PPARG: variants seen among roughly 807,000 people sequenced by gnomAD.
The protein encoded by PPARG is peroxisome proliferator-activated receptor gamma.
Under a neutral mutation model 39.2 loss-of-function variants are expected in PPARG, and 17 were observed. The observed-to-expected ratio is 0.43, with a 90% CI of 0.30 to 0.65. PPARG has a LOEUF of 0.65. Ranked by LOEUF, PPARG falls within the 30% of genes least tolerant of loss-of-function variation. The pLI, the probability that PPARG is intolerant of heterozygous loss-of-function variation, is 0.13. For missense variants in PPARG, 406 were observed against 585.9 expected, an observed-to-expected ratio of 0.69 and a Z score of 3.17; for synonymous variants, 223 against 215.7, an observed-to-expected ratio of 1.03 and a Z score of -0.30.
At chr3:12,429,335 A>T (rs1386778024) in intron 7 of PPARG, among the ~76,000 whole-genome samples, 1 of 152,102 alleles carries the variant, frequency 6.6e-6, no homozygotes, top group Non-Finnish European at 1.5e-5. Flanking sequence ...GATCAGTTGC[A>T]TGTTAGTCCT....
intron 2 of PPARG, among the ~76,000 whole-genome samples, chr3:12,320,423 G>T (rs1176744617): frequency 6.6e-6 from 1 of 152,056 alleles, no homozygotes; most frequent in African/African-American, 2.4e-5. Context: ...AACATACTTG[G>T]GTGCTCTGCC....
chr3:12,346,064 G>A (rs1450724296), intron 2 of PPARG, among the ~76,000 whole-genome samples: 1 of 152,234 alleles, frequency 6.6e-6, no homozygotes. Context: ...TAGGTGGGAC[G>A]TCTTTGGTTC....
At chr3:12,376,307 A>T (rs1263158505) in intron 2 of PPARG, among the ~76,000 whole-genome samples, 2 of 152,158 alleles carry the variant, frequency 1.3e-5, no homozygotes, top group Non-Finnish European at 2.9e-5. Flanking sequence ...AACTCATGCA[A>T]AAGTTTGCCT....
intron 6 of PPARG, among the ~76,000 whole-genome samples, chr3:12,415,552 AAG>A (rs1187636560): frequency 3.9e-5 from 6 of 152,136 alleles, no homozygotes; most frequent in Non-Finnish European, 7.3e-5. Context: ...AGGGAAGTAA[AAG>A]AGAGAGAATG....
intron 1 of PPARG, among the ~76,000 whole-genome samples, chr3:12,296,669 C>T (rs187389977): frequency 6.6e-5 from 10 of 152,298 alleles, no homozygotes; most frequent in Middle Eastern, 3.4e-3. Context: ...AAGCTTTTGT[C>T]AAGAGGCTAG....
rs75053565 is a variant in PPARG at position 12,391,428 on chromosome 3, G to T, written c.391-1186G>T. 3.7e-3 allele frequency among the ~76,000 whole-genome samples: 566 copies of T among 152,270 alleles called. 4 individuals carry two copies. Among genetic ancestry groups the T allele is most frequent in the African/African-American group, 0.013 (553 of 41,562 alleles). ...AAATAGGTTGGCTTAGCCCCATTGA[G>T]AAGGTGAGATGCAAAACTTGAAGGC... On this transcript the variant is annotated intron_variant, in intron 4 of 7. Coordinates refer to ENST00000651735, the MANE Select transcript of PPARG (RefSeq NM_138711.6).
chr3:12,320,921 G>C (rs1271855597), intron 2 of PPARG, among the ~76,000 whole-genome samples: 2 of 152,094 alleles, frequency 1.3e-5, no homozygotes, highest in African/African-American at 4.8e-5. Context: ...TTTTTTACAT[G>C]CTTATCTATG....
chr3:12,323,529 C>A (rs1020787147), intron 2 of PPARG, among the ~76,000 whole-genome samples: 2 of 152,106 alleles, frequency 1.3e-5, no homozygotes, highest in Non-Finnish European at 2.9e-5. Context: ...ATAACTTTAC[C>A]TGTGTAATCT....
rs375393465 is a variant in PPARG, at chr3:12,420,857, G to C, written c.1180+3703G>C. ...GCTGTTCACTCAGCTCTCAAACCAA[G>C]CTGCTGAGAAAGATGACCTAGTTCT... On this transcript the variant is annotated intron_variant, in intron 7 of 7. Coordinates refer to ENST00000651735, the MANE Select transcript of PPARG (RefSeq NM_138711.6). 2.6e-5 allele frequency among the ~76,000 whole-genome samples: 4 copies of C among 152,310 alleles called. 1 individual carries two copies. Among genetic ancestry groups the C allele is most frequent in the East Asian group, 1.9e-4 (1 of 5,182 alleles).
chr3:12,361,140 C>G (rs1251801114), intron 2 of PPARG, among the ~76,000 whole-genome samples: 1 of 152,162 alleles, frequency 6.6e-6, no homozygotes, highest in Non-Finnish European at 1.5e-5. Context: ...TTAATCTCCC[C>G]TTTTCTGATG....
Position 12,388,676 on chromosome 3 carries a change from A to G in PPARG, c.391-3938A>G, listed in dbSNP as rs144986924. ...TCTTGAATGACATTCATCATCAACA[A>G]GAAAACTGATACAGACTCCCTGCTC... On this transcript the variant is annotated intron_variant, in intron 4 of 7. Transcript: ENST00000651735. Among the ~76,000 whole-genome samples the G allele has an allele frequency of 2.3e-3, 345 of 152,350 alleles. 1 individual carries two copies. The highest frequency in any genetic ancestry group is 7.6e-3 in the African/African-American group (318 of 41,596).
intron 2 of PPARG, among the ~76,000 whole-genome samples, chr3:12,347,078 G>A (rs1263690370): frequency 1.3e-5 from 2 of 152,004 alleles, no homozygotes; most frequent in Non-Finnish European, 2.9e-5. Context: ...TGATACACGA[G>A]AGACTGAGGC....
At chr3:12,406,883 A>G (rs1243240875) in intron 6 of PPARG, 1 of 152,108 alleles carries the variant, frequency 6.6e-6, no homozygotes, top group Non-Finnish European at 1.5e-5. Context: ...CTTTTATTAC[A>G]TATGTGAATT....
chr3:12,417,814 A>G (rs1416686471), intron 7 of PPARG, among the ~76,000 whole-genome samples: 2 of 150,946 alleles, frequency 1.3e-5, no homozygotes, highest in South Asian at 2.1e-4. Context: ...TGGCCCTGCA[A>G]GTAGTACATG....
At chr3:12,331,381 A>G (rs1241589579) in intron 2 of PPARG, among the ~76,000 whole-genome samples, 1 of 152,180 alleles carries the variant, frequency 6.6e-6, no homozygotes. Flanking sequence ...GATGGAGGAA[A>G]TGAGATGTGA....
chr3:12,337,061 G>T (rs1575014159), intron 2 of PPARG, among the ~76,000 whole-genome samples: 2 of 152,260 alleles, frequency 1.3e-5, no homozygotes, highest in Admixed American at 1.3e-4. Context: ...TATACTTGGG[G>T]AAATAAAACA....
chr3:12,426,042 C>A (rs2051433002), intron 7 of PPARG, among the ~76,000 whole-genome samples: 1 of 152,068 alleles, frequency 6.6e-6, no homozygotes, highest in Non-Finnish European at 1.5e-5. Flanking sequence ...TTGGGAGTTG[C>A]ATATTGGAGG....
At chr3:12,364,247 T>A (rs1039629798) in intron 2 of PPARG, among the ~76,000 whole-genome samples, 2 of 152,350 alleles carry the variant, frequency 1.3e-5, no homozygotes, top group Middle Eastern at 3.4e-3. Context: ...CTACCACTGA[T>A]CTTTTTCCTG....
chr3:12,371,401 T>G (rs992537434), intron 2 of PPARG, among the ~76,000 whole-genome samples: 3 of 152,204 alleles, frequency 2.0e-5, no homozygotes, highest in African/African-American at 7.2e-5. Flanking sequence ...ACCAAGATAA[T>G]GCTTACTTTA....
Sources: allele counts gnomAD v4.1 joint callset (sites outside exome capture counted in the v4.1 genomes callset), GRCh38; gene constraint gnomAD v4.1.1; transcripts MANE v1.5; gene names NCBI Gene and HGNC (gene_info 2026-07-23, HGNC 2026-07-21).